The following TAF1 variants were observed in gnomAD, a reference collection of about 807,000 sequenced individuals.
TAF1 encodes the protein TATA-box binding protein associated factor 1.
TAF1 carries 2 observed loss-of-function variants against 138.5 expected under a neutral mutation model. The ratio of observed to expected loss-of-function variants is 0.01; its 90% CI spans 0.01 to 0.05. The LOEUF is 0.05. TAF1 is among the 10% of genes least tolerant of loss of function. The pLI is 1.00. For synonymous variants in TAF1, 437 were observed against 503.2 expected, an observed-to-expected ratio of 0.87 and a Z score of 1.76; for missense variants, 709 against 1,478.0, an observed-to-expected ratio of 0.48 and a Z score of 8.53.
intron 13 of TAF1, among the ~76,000 whole-genome samples, chrX:71,518,889 A>C (rs1322833024): frequency 3.8e-5 from 4 of 104,288 alleles, no homozygotes; most frequent in African/African-American, 1.4e-4. Flanking sequence ...TAGAGATGGG[A>C]TTTCACCATG....
chrX:71,394,688 C>T (rs1470056874), intron 22 of TAF1, among the ~76,000 whole-genome samples: 9 of 112,035 alleles, frequency 8.0e-5, no homozygotes, highest in Non-Finnish European at 1.7e-4. Flanking sequence ...CTGGAGTGCA[C>T]TGGTGTGATC....
chrX:71,490,686 G>A (rs2039258318), intron 13 of TAF1, among the ~76,000 whole-genome samples: 1 of 109,547 alleles, frequency 9.1e-6, no homozygotes, highest in African/African-American at 3.3e-5. Flanking sequence ...ACAGAATAGA[G>A]AACCCAGAAA....
At chrX:71,436,365 G>A (rs1365350007) in intron 32 of TAF1, among the ~76,000 whole-genome samples, 2 of 108,193 alleles carry the variant, frequency 1.8e-5, no homozygotes, top group Admixed American at 1.0e-4. Flanking sequence ...ACAGGTGACC[G>A]CCACAACGCC....
At chrX:71,425,662 TA>T (rs1219461760) in intron 32 of TAF1, among the ~76,000 whole-genome samples, 1 of 110,548 alleles carries the variant, frequency 9.0e-6, no homozygotes, top group African/African-American at 3.3e-5. Context: ...ATAAAATAAA[TA>T]AGTAAAGTGC....
chrX:71,386,742 G>A (rs1339094264), intron 14 of TAF1, among the ~76,000 whole-genome samples: 1 of 113,058 alleles, frequency 8.8e-6, no homozygotes, highest in African/African-American at 3.2e-5. Context: ...TGAGATTACA[G>A]GCATGAGTCA....
chrX:71,420,512 A>G, intron 28 of TAF1: 2 of 1,205,236 alleles, frequency 1.7e-6, no homozygotes, highest in Middle Eastern at 6.1e-4. Context: ...TCTTCTCCTC[A>G]ATGACATGAT....
intron 3 of TAF1, among the ~76,000 whole-genome samples, chrX:71,370,295 G>A (rs1255463699): frequency 9.0e-6 from 1 of 110,976 alleles, no homozygotes; most frequent in Non-Finnish European, 1.9e-5. Context: ...AGAGGTATTG[G>A]TCCATAGTTC....
chrX:71,444,759 T>C (rs1410786166), intron 32 of TAF1, among the ~76,000 whole-genome samples: 3 of 110,093 alleles, frequency 2.7e-5, no homozygotes, highest in Middle Eastern at 4.6e-3. Context: ...TTTTTTTTCT[T>C]TTTTTGAGAC....
chrX:71,484,072 G>A (rs1472188821), intron 13 of TAF1, among the ~76,000 whole-genome samples: 1 of 109,840 alleles, frequency 9.1e-6, no homozygotes, highest in Non-Finnish European at 1.9e-5. Context: ...GTCTCACTAT[G>A]TTGCTGAGGC....
At chrX:71,426,111 G>T in intron 32 of TAF1, among the ~76,000 whole-genome samples, 1 of 109,141 alleles carries the variant, frequency 9.2e-6, no homozygotes, top group East Asian at 2.9e-4. Context: ...AAAAAAAAGT[G>T]GGGTTAGAGG....
chrX:71,401,342 T>A (rs2035165558), intron 24 of TAF1, among the ~76,000 whole-genome samples, 186 bp from the exon 25 acceptor site: 1 of 111,525 alleles, frequency 9.0e-6, no homozygotes, highest in South Asian at 3.8e-4. Context: ...ACGTGGAGCC[T>A]GTGTATATGG....
chrX:71,441,668 T>C, intron 32 of TAF1: 1 of 303,623 alleles, frequency 3.3e-6, no homozygotes, highest in Non-Finnish European at 6.2e-6. Context: ...TTCTCCTATC[T>C]AGCTATAATT....
At chrX:71,484,935 C>G (rs908917830) in intron 13 of TAF1, 1 of 111,965 alleles carries the variant, frequency 8.9e-6, no homozygotes, top group Non-Finnish European at 1.9e-5. Context: ...GTTGTGAGCT[C>G]CCCTGTGGAG....
rs767505496 is a variant in TAF1 at position 71,377,004 on chromosome X, T to C, written c.527T>C (p.Leu176Ser). 8.3e-7 allele frequency: 1 copy of C among 1,211,868 alleles called. No homozygotes were observed. Among genetic ancestry groups the C allele is most frequent in the East Asian group, 3.0e-5 (1 of 33,834 alleles). Reference protein sequence around the residue: ...ILPSIIAPSSLASEKVDFSSS... With the variant: ...ILPSIIAPSSSASEKVDFSSS... ...CCCTCCATCATTGCCCCTTCCTCTT[T>C]GGCCTCAGAGAAAGTGGACTTCAGT... Residue 176 changes from leucine to serine, a missense_variant, in exon 5 of 38, where the codon TTG becomes TCG. By Grantham distance (145) the Leu-to-Ser change is moderately radical (BLOSUM62 -2). Coordinates refer to ENST00000423759, the MANE Select transcript of TAF1 (RefSeq NM_004606.5).
intron 35 of TAF1, chrX:71,459,283 G>T (rs373658403): frequency 3.6e-6 from 4 of 1,125,139 alleles, no homozygotes; most frequent in Non-Finnish European, 4.8e-6. Context: ...TTATGGTTAC[G>T]TTATGCCCTT....
intron 13 of TAF1, among the ~76,000 whole-genome samples, chrX:71,518,692 CTTTT>C (rs41486346): frequency 7.6e-5 from 6 of 79,166 alleles, no homozygotes; most frequent in South Asian, 6.4e-4. Context: ...TCTTTTCTTT[CTTTT>C]TTTTTTTTTT....
chrX:71,392,428 AAG>A, intron 18 of TAF1, 139 bp from the exon 19 acceptor site: 2 of 783,595 alleles, frequency 2.6e-6, no homozygotes, highest in Admixed American at 4.8e-5. Context: ...TGGACAGTTT[AAG>A]AGAGCATGAA....
intron 16 of TAF1, 66 bp downstream of exon 16, chrX:71,388,444 T>C: frequency 8.6e-7 from 1 of 1,156,798 alleles, no homozygotes; most frequent in Non-Finnish European, 1.2e-6. Context: ...GGCTTTGAGT[T>C]AAAGGATAAG....
intron 13 of TAF1, among the ~76,000 whole-genome samples, chrX:71,471,353 A>G (rs2038884557): frequency 9.5e-6 from 1 of 105,398 alleles, no homozygotes; most frequent in Non-Finnish European, 1.9e-5. Context: ...ATATACACAC[A>G]CACACACACA....
Sources: allele counts gnomAD v4.1 joint callset (sites outside exome capture counted in the v4.1 genomes callset), GRCh38; gene constraint gnomAD v4.1.1; transcripts MANE v1.5; gene names NCBI Gene and HGNC (gene_info 2026-07-23, HGNC 2026-07-21).